Variants in FSTL4 observed in about 807,000 individuals in gnomAD.
The protein encoded by FSTL4 is follistatin like 4.
FSTL4 carries 28 observed loss-of-function variants against 78.2 expected under a neutral mutation model. That is an observed-to-expected ratio of 0.36 (90% CI 0.27 to 0.49). The LOEUF (loss-of-function observed/expected upper bound fraction) is 0.49. Ranked by LOEUF, FSTL4 falls within the 20% of genes least tolerant of loss-of-function variation. The pLI, the probability that FSTL4 is intolerant of heterozygous loss-of-function variation, is 0.98. For synonymous variants in FSTL4, 422 were observed against 440.5 expected, an observed-to-expected ratio of 0.96 and a Z score of 0.53; for missense variants, 922 against 1,084.9, an observed-to-expected ratio of 0.85 and a Z score of 2.11.
At chr5:133,701,507 A>ACC in the FSTL4 span, among the ~76,000 whole-genome samples, 31 of 102,706 alleles carry the variant, frequency 3.0e-4, 1 homozygote, top group East Asian at 1.0e-3. Context: ...ACACACACAC[A>ACC]CACCCCACAG....
At chr5:133,594,073 G>A (rs1163579315) in intron 2 of FSTL4, among the ~76,000 whole-genome samples, 1 of 152,184 alleles carries the variant, frequency 6.6e-6, no homozygotes, top group East Asian at 1.9e-4. Flanking sequence ...CCAGCCCAGG[G>A]CTCAGAGACC....
At chr5:133,299,951 A>G (rs1753495417) in intron 6 of FSTL4, among the ~76,000 whole-genome samples, 1 of 152,176 alleles carries the variant, frequency 6.6e-6, no homozygotes, top group South Asian at 2.1e-4. Flanking sequence ...AGGTGTGGCC[A>G]CTATTGCTCC....
intron 14 of FSTL4, among the ~76,000 whole-genome samples, chr5:133,209,407 A>G (rs973740806): frequency 6.6e-6 from 1 of 152,172 alleles, no homozygotes; most frequent in Non-Finnish European, 1.5e-5. Context: ...AGAGAGAGAG[A>G]GAGACCCTAA....
rs150119514 is a variant in FSTL4, at chr5:133,610,004, C to T, written c.-11+2321G>A. On this transcript the variant is annotated intron_variant, in intron 1 of 15. Transcript: ENST00000265342. ...TTGAGTTTGCAGAGAAACACTCAAA[C>T]AAGGCAAGGTAGGAGTTAAGGTAGT... Among the ~76,000 whole-genome samples the T allele has an allele frequency of 1.8e-3, 281 of 152,314 alleles. 1 individual carries two copies. The highest frequency in any genetic ancestry group is 6.8e-3 in the Middle Eastern group (2 of 294).
chr5:133,719,856 T>A, the FSTL4 span, among the ~76,000 whole-genome samples: 5 of 152,156 alleles, frequency 3.3e-5, no homozygotes, highest in African/African-American at 9.7e-5. Context: ...GATGGCAGTA[T>A]TCATGAGCTT....
chr5:133,805,962 G>T, the FSTL4 span, among the ~76,000 whole-genome samples: 2 of 152,154 alleles, frequency 1.3e-5, no homozygotes, highest in Non-Finnish European at 2.9e-5. Flanking sequence ...CGATCAGAAG[G>T]TTCCAGTTCA....
intron 3 of FSTL4, among the ~76,000 whole-genome samples, chr5:133,520,763 A>G (rs1388864822): frequency 6.6e-6 from 1 of 152,156 alleles, no homozygotes; most frequent in Non-Finnish European, 1.5e-5. Context: ...CTCACTGTGC[A>G]TAATATAGAA....
intron 6 of FSTL4, among the ~76,000 whole-genome samples, chr5:133,262,217 G>A (rs1052651665): frequency 1.3e-5 from 2 of 152,098 alleles, no homozygotes; most frequent in East Asian, 1.9e-4. Flanking sequence ...CCTGGAGGCC[G>A]ACTCACTGCC....
intron 3 of FSTL4, among the ~76,000 whole-genome samples, chr5:133,460,653 T>C (rs557857117): frequency 2.0e-5 from 3 of 152,168 alleles, no homozygotes; most frequent in Non-Finnish European, 4.4e-5. Flanking sequence ...GGGGATCTGA[T>C]TGTCTCTTTG....
the FSTL4 span, among the ~76,000 whole-genome samples, chr5:133,751,927 G>A: frequency 6.6e-6 from 1 of 152,162 alleles, no homozygotes; most frequent in African/African-American, 2.4e-5. Flanking sequence ...ATCAGACAAA[G>A]GAAGACTCAC....
the FSTL4 span, among the ~76,000 whole-genome samples, chr5:133,750,527 C>T: frequency 6.6e-6 from 1 of 152,152 alleles, no homozygotes. Flanking sequence ...GCAGGAGCAT[C>T]ACTGTGGGTG....
chr5:133,199,275 C>A lies in FSTL4; in HGVS notation c.2349G>T (p.Gly783=). 1 of 1,613,938 alleles carries A rather than the reference C, an allele frequency of 6.2e-7. No individual in the cohort carries two copies. Among genetic ancestry groups the A allele is most frequent in the Non-Finnish European group, 8.5e-7 (1 of 1,179,818 alleles). Reference sequence around the variant, plus strand: ...GGGTACCCCCCCAGGGCTGAGCTGGCCCTGCGGGTGGCTCCTTTAAGTTCT... The same window carrying A: ...GGGTACCCCCCCAGGGCTGAGCTGGACCTGCGGGTGGCTCCTTTAAGTTCT... ...MLKNLKEPPA[G]PAQPWGGTHR... The change falls in exon 16 of 16, where the codon GGG becomes GGT. Residue 783 remains glycine (G), a synonymous_variant. Coordinates refer to ENST00000265342, the MANE Select transcript of FSTL4 (RefSeq NM_015082.2). This position sits in a 1 kb window ranked among gnomAD's most constrained non-coding sequence, Gnocchi z 4.4.
At chr5:133,742,907 C>T in the FSTL4 span, among the ~76,000 whole-genome samples, 2 of 152,096 alleles carry the variant, frequency 1.3e-5, no homozygotes, top group Admixed American at 6.5e-5. Context: ...TGCCTGGTGA[C>T]GTCTTTCAGG....
chr5:133,756,280 G>A, the FSTL4 span, among the ~76,000 whole-genome samples: 3 of 152,012 alleles, frequency 2.0e-5, no homozygotes, highest in Non-Finnish European at 4.4e-5. Flanking sequence ...CTGGGTGGCA[G>A]GAGTGAGGTG....
the FSTL4 span, among the ~76,000 whole-genome samples, chr5:133,644,948 A>G: frequency 1.3e-5 from 2 of 152,060 alleles, no homozygotes; most frequent in African/African-American, 4.8e-5. Context: ...AGCTCCCGAC[A>G]GGCAGCTCCC....
chr5:133,634,149 T>G, the FSTL4 span, among the ~76,000 whole-genome samples: 1 of 152,026 alleles, frequency 6.6e-6, no homozygotes, highest in South Asian at 2.1e-4. Flanking sequence ...AAAACCAAAC[T>G]CCCTATTTGG....
chr5:133,814,786 A>C, the FSTL4 span, among the ~76,000 whole-genome samples: 1 of 152,224 alleles, frequency 6.6e-6, no homozygotes, highest in Non-Finnish European at 1.5e-5. Context: ...AATGAGAAAG[A>C]TGTTTAAAAT....
intron 7 of FSTL4, among the ~76,000 whole-genome samples, chr5:133,235,187 G>A (rs1219128761): frequency 6.6e-6 from 1 of 152,140 alleles, no homozygotes; most frequent in Non-Finnish European, 1.5e-5. Context: ...ACCCCTTAAA[G>A]ACACTTTCTG....
At chr5:133,688,235 C>T in the FSTL4 span, among the ~76,000 whole-genome samples, 1 of 152,194 alleles carries the variant, frequency 6.6e-6, no homozygotes, top group East Asian at 1.9e-4. Flanking sequence ...ACAGTAAAAC[C>T]CCGTCTCTAC....
Sources: allele counts gnomAD v4.1 joint callset (sites outside exome capture counted in the v4.1 genomes callset), GRCh38; gene constraint gnomAD v4.1.1; non-coding constraint Gnocchi (gnomAD v3.1); transcripts MANE v1.5; gene names NCBI Gene and HGNC (gene_info 2026-07-23, HGNC 2026-07-21).